The following BCAT2 variants were observed in gnomAD, a reference collection of about 807,000 sequenced individuals.
BCAT2 encodes the protein branched-chain-amino-acid aminotransferase, mitochondrial.
In BCAT2, 44 loss-of-function variants were observed where a neutral mutation model predicts 52.9. That is an observed-to-expected ratio of 0.83 (90% confidence interval 0.65 to 1.07). The LOEUF is 1.07. BCAT2 is among the 50% of genes least tolerant of loss of function. The pLI is 0.00. For synonymous variants in BCAT2, 215 were observed against 217.1 expected, an observed-to-expected ratio of 0.99 and a Z score of 0.08; for missense variants, 478 against 521.8, an observed-to-expected ratio of 0.92 and a Z score of 0.82.
In BCAT2 at chr19:48,795,210, G is replaced by A. The variant is rs1352877122; in HGVS notation, c.*216C>T. ...GACCGCACGACAAGGAGTAATGGGC[G>A]GACCTGAACCCGCGACGAGGGGCTG... On this transcript the variant is annotated 3_prime_UTR_variant, in exon 11 of 11. Transcript: ENST00000316273. The A allele has an allele frequency of 1.1e-5, 7 of 619,672 alleles. No homozygotes were observed. Among genetic ancestry groups the A allele is most frequent in the Non-Finnish European group, 2.0e-5 (7 of 346,686 alleles). The allele number at this position is 619,672 out of a possible 1,614,324, so 38.4% of individuals were successfully genotyped here.
chr19:48,808,298 T>G (rs1338967871), intron 1 of BCAT2: 4 of 977,764 alleles, frequency 4.1e-6, no homozygotes, highest in Non-Finnish European at 4.9e-6. Flanking sequence ...ACAGCCAGCC[T>G]GTGGGCAGGA....
rs1159394239 is a variant in BCAT2 at position 48,807,008 on chromosome 19, T to G, written c.91A>C (p.Ser31Arg). 1.9e-6 allele frequency: 3 copies of G among 1,613,620 alleles called. No homozygotes were observed. The African/African-American group carries it at 4.0e-5, about 22-fold the overall frequency. ...LCGPRRYASS[S>R]FKAADLQLEM... is the part of the protein sequence containing the mutation. ...GAGTTCCCTCCTTTCACCTTGAAAC[T>G]GGAGGAGGCATATCTTCTGGGACCA... The change falls in exon 2 of 11, where the codon AGT (serine) becomes CGT (arginine). Residue 31 changes from serine (S) to arginine (R), a missense_variant. Coordinates refer to ENST00000316273, the MANE Select transcript of BCAT2 (RefSeq NM_001190.4). This position sits in a 1 kb window ranked among gnomAD's most constrained non-coding sequence, Gnocchi z 4.6.
At chr19:48,808,523 G>A (rs926578638) in intron 1 of BCAT2, among the ~76,000 whole-genome samples, 3 of 152,170 alleles carry the variant, frequency 2.0e-5, no homozygotes, top group Non-Finnish European at 4.4e-5. Flanking sequence ...GTGGGAGGCC[G>A]AGGCAGGAGG....
At chr19:48,801,400 CATT>C (rs1199727844) in intron 3 of BCAT2, among the ~76,000 whole-genome samples, 1 of 152,022 alleles carries the variant, frequency 6.6e-6, no homozygotes, top group Non-Finnish European at 1.5e-5. Context: ...GGTAGTAAAA[CATT>C]ATAAATCTAC....
At chr19:48,808,707 A>T (rs1409826537) in intron 1 of BCAT2, among the ~76,000 whole-genome samples, 6 of 152,094 alleles carry the variant, frequency 3.9e-5, no homozygotes, top group Admixed American at 3.9e-4. Flanking sequence ...GTGAGCCGAG[A>T]TGGTGCCACT....
At position 48,806,680 on chromosome 19, in the gene BCAT2, T is replaced by C. The variant is rs201148940; in HGVS notation, c.137A>G (p.His46Arg). 410 of 1,613,760 alleles carry C rather than the reference T, an allele frequency of 2.5e-4. 2 individuals carry two copies. The highest frequency in any genetic ancestry group is 1.3e-3 in the Middle Eastern group (8 of 6,062). Residue 46 changes from histidine to arginine, a missense_variant, in exon 3 of 11, where the codon CAT (histidine) becomes CGT (arginine). Coordinates refer to ENST00000316273, the MANE Select transcript of BCAT2 (RefSeq NM_001190.4). ...DLQLEMTQKP[H>R]KKPGPGEPLV... ...GGGCTCGCCGGGGCCAGGCTTCTTA[T>C]GAGGCTTCTGTGTCATTTCCAGCTG... is the stretch of plus-strand genomic sequence containing the variant.
At chr19:48,808,271 G>C in intron 1 of BCAT2, 1 of 985,368 alleles carries the variant, frequency 1.0e-6, no homozygotes, top group Non-Finnish European at 1.2e-6. Context: ...CAGTATGAGA[G>C]ACACAAACAC....
In BCAT2 at chr19:48,808,477, C is replaced by CCA. The variant is rs576755373; in HGVS notation, c.25-1405_25-1404dup. On this transcript the variant is annotated intron_variant, in intron 1 of 10. Coordinates refer to ENST00000316273, the MANE Select transcript of BCAT2 (RefSeq NM_001190.4). The stretch of plus-strand genomic sequence containing the variant: ...AAATAGATCTAATCATAGAAAGAGG[C>CCA]CACACGCAGTGGCTCGCGCCTGTAA... Among the ~76,000 whole-genome samples, 20 of 151,982 alleles carry CCA rather than the reference C, an allele frequency of 1.3e-4. No homozygotes were observed. The South Asian group carries it at 1.9e-3, about 14-fold the overall frequency.
At chr19:48,795,497 A>G (rs777192375) in intron 10 of BCAT2, 33 bp from the exon 11 acceptor site, 16 of 1,612,116 alleles carry the variant, frequency 9.9e-6, no homozygotes, top group Middle Eastern at 1.6e-4. Context: ...CGTGAGGTGG[A>G]AGCTGCACTA....
intron 1 of BCAT2, chr19:48,808,219 AG>A (rs1341393560): frequency 1.4e-5 from 14 of 985,942 alleles, no homozygotes; most frequent in Non-Finnish European, 1.7e-5. Flanking sequence ...TAGACTGCTC[AG>A]CCTTGCAGCC....
Position 48,806,571 on chromosome 19 carries a change from G to A in BCAT2, c.246C>T (p.Pro82=), listed in dbSNP as rs767882479. ...DKGWGQPRIQ[P]FQNLTLHPAS... ...CTGGGTGCAGCGTGAGGTTCTGGAA[G>A]GGCTGGATTCGGGGCTGGCCCCAGC... The change falls in exon 3 of 11, where the codon CCC becomes CCT. Residue 82 remains proline (P), a synonymous_variant. Coordinates refer to ENST00000316273, the MANE Select transcript of BCAT2 (RefSeq NM_001190.4). 1.9e-6 allele frequency: 3 copies of A among 1,614,162 alleles called. No individual in the cohort carries two copies. Among genetic ancestry groups the A allele is most frequent in the South Asian group, 2.2e-5 (2 of 91,080 alleles).
In BCAT2 at chr19:48,800,792, GT is replaced by G. The variant is rs761374582; in HGVS notation, c.301-496del. Among the ~76,000 whole-genome samples the G allele has an allele frequency of 1.9e-4, 29 of 150,100 alleles. No individual in the cohort carries two copies. In the East Asian group the frequency reaches 3.2e-3, roughly 16 times the overall value. On this transcript the variant is annotated intron_variant, in intron 3 of 10. Transcript: ENST00000316273. ...CCACTGCACTCCAGCCTGGGACCTA[GT>G]TTTTTTTTTCTGGAGACTCTGTCCC... is the stretch of plus-strand genomic sequence containing the variant.
At chr19:48,810,193 C>T (rs891626666) in intron 1 of BCAT2, among the ~76,000 whole-genome samples, 5 of 152,226 alleles carry the variant, frequency 3.3e-5, no homozygotes, top group African/African-American at 1.2e-4. Flanking sequence ...CCCTGACATT[C>T]ATCAGCTAGG....
At chr19:48,808,583 C>T (rs1386633655) in intron 1 of BCAT2, among the ~76,000 whole-genome samples, 2 of 151,866 alleles carry the variant, frequency 1.3e-5, no homozygotes, top group East Asian at 3.9e-4. Context: ...ATAGGGAGAC[C>T]CTGTCTCTAC....
chr19:48,800,025 CGGCATCGGGGACCCAGTCCTT>C lies in BCAT2; in HGVS notation c.466_486del (p.Lys156_Ala162del). ...GGCCGCACATAGAGGCTGGTGCCGG[CGGCATCGGGGACCCAGTCCTT>C]GTCCACTTCGATGAGCCGGCGGATG... is the stretch of plus-strand genomic sequence containing the variant. On this transcript the variant is annotated inframe_deletion, in exon 5 of 11. Coordinates refer to ENST00000316273, the MANE Select transcript of BCAT2 (RefSeq NM_001190.4). The C allele has an allele frequency of 6.2e-7, 1 of 1,613,622 alleles. No individual in the cohort carries two copies. Among genetic ancestry groups the C allele is most frequent in the Non-Finnish European group, 8.5e-7 (1 of 1,179,888 alleles).
Position 48,809,157 on chromosome 19 carries a change from T to C in BCAT2, c.24+1827A>G, listed in dbSNP as rs577959443. Among the ~76,000 whole-genome samples, 6 of 139,756 alleles carry C rather than the reference T, an allele frequency of 4.3e-5. No homozygotes were observed. The East Asian group carries it at 1.4e-3, about 32-fold the overall frequency. 91.7% of individuals were successfully genotyped at this position (139,756 alleles called of 152,430 possible). On this transcript the variant is annotated intron_variant, in intron 1 of 10. Transcript: ENST00000316273. Reference sequence around the variant, plus strand: ...AGGTGGATCGCTTGAGCCCATCTACTCGGGAGGCTGAGGCACCACAGTCAC... The same window carrying C: ...AGGTGGATCGCTTGAGCCCATCTACCCGGGAGGCTGAGGCACCACAGTCAC...
intron 3 of BCAT2, among the ~76,000 whole-genome samples, chr19:48,805,608 T>C (rs1271335441): frequency 6.7e-6 from 1 of 149,132 alleles, no homozygotes; most frequent in Admixed American, 6.7e-5. Flanking sequence ...CCCCACCGAC[T>C]GTCCCCCTTC....
In BCAT2 at chr19:48,797,183, G is replaced by A. The variant is rs780133814; in HGVS notation, c.838+8C>T. On this transcript the variant is annotated splice_region_variant and intron_variant, in intron 7 of 10. Transcript: ENST00000316273. ...CCAGGGTTCGGGCTGGGTCATGGGT[G>A]GGCTTACCCCCATCTTCGTGGGTCC... 5 of 1,613,514 alleles carry A rather than the reference G, an allele frequency of 3.1e-6. No homozygotes were observed. Among genetic ancestry groups the A allele is most frequent in the Non-Finnish European group, 4.2e-6 (5 of 1,179,742 alleles).
intron 10 of BCAT2, 152 bp downstream of exon 10, chr19:48,796,276 A>G (rs557106): frequency 0.73 from 735,719 of 1,004,986 alleles, 270,565 homozygotes; most frequent in Admixed American, 0.77. Context: ...AGAGCAGCAC[A>G]GAAAGCCCAC....
Sources: gnomAD v4.1 joint callset for allele counts (sites outside exome capture counted in the v4.1 genomes callset) on GRCh38, gnomAD v4.1.1 for gene constraint, Gnocchi (gnomAD v3.1) non-coding constraint, MANE v1.5 for transcripts, NCBI Gene and HGNC (gene_info 2026-07-23, HGNC 2026-07-21) for gene names.